The following DNAH14 variants were observed in gnomAD, a reference collection of about 807,000 sequenced individuals.
DNAH14 encodes the protein dynein axonemal heavy chain 14.
Under a neutral mutation model 520.9 loss-of-function variants are expected in DNAH14, and 478 were observed. That is an observed-to-expected ratio of 0.92 (90% CI 0.85 to 0.99). The LOEUF (loss-of-function observed/expected upper bound fraction) is 0.99, where lower values mean the gene tolerates loss of function less well. Ranked by LOEUF, DNAH14 falls within the 50% of genes least tolerant of loss-of-function variation. DNAH14 has a pLI of 0.00. For synonymous variants in DNAH14, 1,581 were observed against 1,757.2 expected (o/e 0.90, Z 2.51); for missense variants, 4,831 against 5,234.5 (o/e 0.92, Z 2.38).
At chr1:225,168,825 G>A (rs1311307974) in intron 36 of DNAH14, among the ~76,000 whole-genome samples, 1 of 152,198 alleles carries the variant, frequency 6.6e-6, no homozygotes, top group South Asian at 2.1e-4. Context: ...CATGCAACTT[G>A]AGATCTGAGA....
At chr1:224,947,412 C>T (rs985112998) in intron 1 of DNAH14, among the ~76,000 whole-genome samples, 11 of 152,010 alleles carry the variant, frequency 7.2e-5, no homozygotes, top group African/African-American at 2.7e-4. Flanking sequence ...TTTTAATCAC[C>T]TTGACAAAGT....
chr1:224,991,084 C>CAT lies in DNAH14; in HGVS notation c.831-11699_831-11698insAT, dbSNP rs1558617220. ...TTCCCTAATGATTAGTGATGTTGAG[C>CAT]TTTTTTTTTTTTTTTTTTTTTTTTT... On this transcript the variant is annotated intron_variant, in intron 8 of 85. Coordinates refer to ENST00000682510, the MANE Select transcript of DNAH14 (RefSeq NM_001367479.1). Among the ~76,000 whole-genome samples the CAT allele has an allele frequency of 3.9e-5, 3 of 77,900 alleles. 1 individual carries two copies. Among genetic ancestry groups the CAT allele is most frequent in the Admixed American group, 2.9e-4 (2 of 6,996 alleles). 51.1% of individuals were successfully genotyped at this position (77,900 alleles called of 152,430 possible). A position where few individuals can be genotyped will look rare whatever the true frequency, so the allele number is the denominator to read the frequency against.
chr1:225,097,918 G>T (rs911229809), intron 22 of DNAH14, among the ~76,000 whole-genome samples: 2 of 152,138 alleles, frequency 1.3e-5, no homozygotes, highest in African/African-American at 4.8e-5. Context: ...AATTTCTTAG[G>T]CTGAGTGTGG....
intron 17 of DNAH14, among the ~76,000 whole-genome samples, chr1:225,062,161 C>G (rs1321220116): frequency 6.6e-6 from 1 of 151,862 alleles, no homozygotes; most frequent in Non-Finnish European, 1.5e-5. Flanking sequence ...ATTAGTCAGG[C>G]ATGGTGGTGC....
intron 43 of DNAH14, among the ~76,000 whole-genome samples, chr1:225,243,589 A>G (rs555714259): frequency 9.2e-5 from 14 of 152,240 alleles, no homozygotes; most frequent in African/African-American, 3.4e-4. Flanking sequence ...TCCATTTTTA[A>G]TAAATGATGA....
chr1:225,295,033 G>T (rs117810516), intron 55 of DNAH14, among the ~76,000 whole-genome samples: 1,872 of 152,080 alleles, frequency 0.012, 30 homozygotes, highest in East Asian at 0.05. Flanking sequence ...CTAGGTTTTT[G>T]AATTTATTGA....
chr1:225,368,619 G>A (rs772497605), intron 77 of DNAH14, among the ~76,000 whole-genome samples: 10 of 151,746 alleles, frequency 6.6e-5, no homozygotes, highest in East Asian at 1.9e-4. Context: ...AGTTTTTCCC[G>A]GGTTAATTTT....
At chr1:225,226,923 A>G (rs772446650) in intron 41 of DNAH14, among the ~76,000 whole-genome samples, 17 of 152,172 alleles carry the variant, frequency 1.1e-4, no homozygotes, top group Non-Finnish European at 2.1e-4. Context: ...CTTGATGTGC[A>G]TGTAGGCCAG....
intron 7 of DNAH14, chr1:224,969,429 A>C (rs1354663997): frequency 6.3e-6 from 1 of 158,238 alleles, no homozygotes; most frequent in Non-Finnish European, 1.4e-5. Context: ...ACAATCAATT[A>C]ACATGTTTTG....
intron 27 of DNAH14, among the ~76,000 whole-genome samples, chr1:225,131,411 G>C (rs1382398727): frequency 6.6e-6 from 1 of 152,012 alleles, no homozygotes; most frequent in Non-Finnish European, 1.5e-5. Context: ...GGCATTCCTT[G>C]GCTCACAGCC....
At chr1:225,294,236 T>C (rs986133961) in intron 55 of DNAH14, among the ~76,000 whole-genome samples, 1 of 152,196 alleles carries the variant, frequency 6.6e-6, no homozygotes, top group African/African-American at 2.4e-5. Context: ...CAGTGTATCA[T>C]GTTTATTGAT....
intron 21 of DNAH14, among the ~76,000 whole-genome samples, chr1:225,095,949 A>T (rs943885325): frequency 2.0e-5 from 3 of 152,140 alleles, no homozygotes; most frequent in Non-Finnish European, 4.4e-5. Context: ...GTTAAAATTC[A>T]TAAAATTGTA....
intron 41 of DNAH14, among the ~76,000 whole-genome samples, chr1:225,214,136 G>T (rs546522520): frequency 6.6e-6 from 1 of 151,960 alleles, no homozygotes; most frequent in South Asian, 2.1e-4. Flanking sequence ...GAATTTTTTC[G>T]AAGGCCTTTT....
At chr1:225,096,548 CATT>C (rs531525271) in intron 21 of DNAH14, among the ~76,000 whole-genome samples, 162 of 152,098 alleles carry the variant, frequency 1.1e-3, no homozygotes, top group African/African-American at 3.4e-3. Flanking sequence ...TGGAAAAAGA[CATT>C]ATAGGCATAC....
Position 225,303,353 on chromosome 1 carries a change from TATC to T in DNAH14, c.8823+7_8823+9del. ...TCAATTTTGAGAACAGAGAGGTAAA[TATC>T]TAATGCAAGTGAAGGTTTCAGTTTA... On this transcript the variant is annotated splice_region_variant and intron_variant, in intron 57 of 85. Coordinates refer to ENST00000682510, the MANE Select transcript of DNAH14 (RefSeq NM_001367479.1). 2.6e-6 allele frequency: 4 copies of T among 1,543,278 alleles called. No individual in the cohort carries two copies. The highest frequency in any genetic ancestry group is 3.5e-6 in the Non-Finnish European group (4 of 1,143,984).
intron 11 of DNAH14, among the ~76,000 whole-genome samples, chr1:225,028,626 AT>A (rs1386038185): frequency 6.6e-6 from 1 of 152,092 alleles, no homozygotes; most frequent in African/African-American, 2.4e-5. Context: ...AAACAAGTTA[AT>A]TTTAAAATGG....
chr1:225,135,225 A>G (rs1454054053), intron 27 of DNAH14, among the ~76,000 whole-genome samples: 1 of 151,712 alleles, frequency 6.6e-6, no homozygotes, highest in Non-Finnish European at 1.5e-5. Flanking sequence ...TTGGTTCTCT[A>G]GTCCTTTTAG....
chr1:225,329,329 G>A (rs74465828), intron 64 of DNAH14, among the ~76,000 whole-genome samples: 20,557 of 152,106 alleles, frequency 0.14, 1,624 homozygotes, highest in South Asian at 0.25. Flanking sequence ...CTTAAGGAAT[G>A]TTGGGGAGAT....
At chr1:225,367,774 A>G in intron 76 of DNAH14, 31 bp from the exon 77 acceptor site, 1 of 1,501,222 alleles carries the variant, frequency 6.7e-7, no homozygotes, top group South Asian at 1.2e-5. Flanking sequence ...ATCTGTCCTC[A>G]CATGCCATTT....
Sources: allele counts gnomAD v4.1 joint callset (sites outside exome capture counted in the v4.1 genomes callset), GRCh38; gene constraint gnomAD v4.1.1; transcripts MANE v1.5; gene names NCBI Gene and HGNC (gene_info 2026-07-23, HGNC 2026-07-21).